SLC4A10: variants seen among roughly 807,000 people sequenced by gnomAD.
The protein encoded by SLC4A10 is sodium-driven chloride bicarbonate exchanger.
A neutral mutation model predicts 137.7 loss-of-function variants in SLC4A10; 42 were observed. The ratio of observed to expected loss-of-function variants is 0.30; its 90% CI spans 0.24 to 0.39. The LOEUF (loss-of-function observed/expected upper bound fraction) is 0.39. Among genes scored for constraint, SLC4A10 ranks in the 10% least tolerant of loss-of-function variants. SLC4A10 has a pLI of 1.00. For synonymous variants in SLC4A10, 474 were observed against 464.1 expected (o/e 1.02, Z -0.27); for missense variants, 925 against 1,355.0 (o/e 0.68, Z 4.98).
intron 15 of SLC4A10, among the ~76,000 whole-genome samples, chr2:161,928,580 AAAAC>A (rs1689682398): frequency 6.6e-6 from 1 of 150,482 alleles, no homozygotes; most frequent in East Asian, 1.9e-4. Flanking sequence ...ATTAAAAAAA[AAAAC>A]AAACTTCTCA....
chr2:161,846,920 C>T (rs1476485164), intron 4 of SLC4A10, among the ~76,000 whole-genome samples: 1 of 151,902 alleles, frequency 6.6e-6, no homozygotes, highest in Non-Finnish European at 1.5e-5. Flanking sequence ...TTACATCTAT[C>T]TATACATGGG....
chr2:161,851,963 C>T (rs926928689), intron 4 of SLC4A10, among the ~76,000 whole-genome samples: 5 of 152,146 alleles, frequency 3.3e-5, no homozygotes, highest in African/African-American at 4.8e-5. Context: ...TATCATGGCT[C>T]ACTCCAGCCT....
At chr2:161,736,790 TTG>T (rs2047389887) in intron 1 of SLC4A10, among the ~76,000 whole-genome samples, 2 of 152,032 alleles carry the variant, frequency 1.3e-5, no homozygotes, top group South Asian at 4.1e-4. Flanking sequence ...TTTAAAACAA[TTG>T]TAAGAGTTTC....
At chr2:161,945,182 G>GTGTGTA (rs1185711774) in intron 16 of SLC4A10, among the ~76,000 whole-genome samples, 9 of 88,852 alleles carry the variant, frequency 1.0e-4, no homozygotes, top group East Asian at 1.1e-3. Flanking sequence ...AAGTTTGTGT[G>GTGTGTA]TATATATATA....
intron 1 of SLC4A10, among the ~76,000 whole-genome samples, chr2:161,692,613 A>G (rs973006936): frequency 1.3e-5 from 2 of 152,096 alleles, no homozygotes; most frequent in African/African-American, 4.8e-5. Flanking sequence ...AGACTCTTCA[A>G]TCAGGTAGAG....
intron 23 of SLC4A10, among the ~76,000 whole-genome samples, chr2:161,972,781 G>T (rs555294059): frequency 1.3e-5 from 2 of 152,294 alleles, no homozygotes; most frequent in Non-Finnish European, 1.5e-5. Context: ...TGGGCACAGA[G>T]ATTCTGTATG....
At chr2:161,640,896 G>A (rs1003285908) in intron 1 of SLC4A10, among the ~76,000 whole-genome samples, 1 of 152,034 alleles carries the variant, frequency 6.6e-6, no homozygotes, top group Admixed American at 6.6e-5. Flanking sequence ...ATTTAATTTA[G>A]TTTACCAGTA....
intron 23 of SLC4A10, among the ~76,000 whole-genome samples, chr2:161,970,308 C>T (rs1445101593): frequency 6.6e-6 from 1 of 152,124 alleles, no homozygotes; most frequent in Non-Finnish European, 1.5e-5. Flanking sequence ...TTTCCACTCT[C>T]ATTGTTAGTT....
At chr2:161,968,021 C>T (rs919213523) in intron 23 of SLC4A10, among the ~76,000 whole-genome samples, 1 of 150,350 alleles carries the variant, frequency 6.7e-6, no homozygotes, top group Non-Finnish European at 1.5e-5. Context: ...ATCTCTTTCA[C>T]AGTATTCTCC....
intron 17 of SLC4A10, among the ~76,000 whole-genome samples, chr2:161,948,676 T>A (rs1694270243): frequency 6.6e-6 from 1 of 152,116 alleles, no homozygotes. Context: ...CCAACTGTCA[T>A]GCTTATATTC....
At chr2:161,638,056 G>C (rs1317645774) in intron 1 of SLC4A10, among the ~76,000 whole-genome samples, 2 of 152,082 alleles carry the variant, frequency 1.3e-5, no homozygotes, top group African/African-American at 4.8e-5. Context: ...TGCAAGGTTT[G>C]CAAGTGTTTT....
At chr2:161,893,503 C>T (rs2063128647) in intron 10 of SLC4A10, among the ~76,000 whole-genome samples, 1 of 151,944 alleles carries the variant, frequency 6.6e-6, no homozygotes, top group East Asian at 1.9e-4. Context: ...CAAGACCAGC[C>T]CAGGCAACAT....
In SLC4A10 at chr2:161,923,612, G is replaced by A. The variant is rs568425551; in HGVS notation, c.1997+17725G>A. Among the ~76,000 whole-genome samples, 16 of 152,048 alleles carry A rather than the reference G, an allele frequency of 1.1e-4. 1 individual carries two copies. In the South Asian group the frequency reaches 3.1e-3, roughly 30 times the overall value. On this transcript the variant is annotated intron_variant, in intron 15 of 26. Transcript: ENST00000446997. ...CACTGCATGTTCTCACTCACAGGTG[G>A]GAATTGAACAATGAGAACACATGGA...
At chr2:161,663,232 C>A (rs1241561507) in intron 1 of SLC4A10, among the ~76,000 whole-genome samples, 1 of 151,976 alleles carries the variant, frequency 6.6e-6, no homozygotes, top group East Asian at 1.9e-4. Flanking sequence ...AGGAAAACAG[C>A]CATTTAACAA....
intron 5 of SLC4A10, among the ~76,000 whole-genome samples, chr2:161,861,775 T>G (rs2060446713): frequency 6.6e-6 from 1 of 152,176 alleles, no homozygotes; most frequent in African/African-American, 2.4e-5. Flanking sequence ...TATTATTATC[T>G]CCATTTTACA....
At chr2:161,956,914 T>G (rs1695769937) in intron 19 of SLC4A10, 75 bp from the exon 20 acceptor site, 2 of 1,450,214 alleles carry the variant, frequency 1.4e-6, no homozygotes, top group Non-Finnish European at 1.8e-6. Flanking sequence ...GGAAGTGGTT[T>G]CTATTCGCAA....
chr2:161,775,570 A>G (rs2052219674), intron 2 of SLC4A10, among the ~76,000 whole-genome samples: 1 of 151,878 alleles, frequency 6.6e-6, no homozygotes, highest in Admixed American at 6.6e-5. Context: ...AGTGAATCTG[A>G]TGAAAAAACA....
At chr2:161,834,928 A>G (rs1015583693) in intron 3 of SLC4A10, among the ~76,000 whole-genome samples, 3 of 152,140 alleles carry the variant, frequency 2.0e-5, no homozygotes, top group African/African-American at 7.2e-5. Flanking sequence ...CCTGTTGGAG[A>G]CATTGCCAAT....
chr2:161,641,361 G>GACAAA (rs2035298992), intron 1 of SLC4A10, among the ~76,000 whole-genome samples: 1 of 151,902 alleles, frequency 6.6e-6, no homozygotes, highest in Non-Finnish European at 1.5e-5. Context: ...CATAATATAT[G>GACAAA]ACAAATTTGA....
Sources: allele counts gnomAD v4.1 joint callset (sites outside exome capture counted in the v4.1 genomes callset), GRCh38; gene constraint gnomAD v4.1.1; transcripts MANE v1.5; gene names NCBI Gene and HGNC (gene_info 2026-07-23, HGNC 2026-07-21).